Variants in GRM7 observed in about 807,000 individuals in gnomAD.
The protein encoded by GRM7 is metabotropic glutamate receptor 7.
A neutral mutation model predicts 84.5 loss-of-function variants in GRM7; 35 were observed. The observed-to-expected ratio is 0.41, with a 90% CI of 0.32 to 0.55. The LOEUF is 0.55. Ranked by LOEUF, GRM7 falls within the 20% of genes least tolerant of loss-of-function variation. The probability of loss-of-function intolerance (pLI) is 0.19; values close to 1 mark genes in which losing one functional copy is unlikely to be tolerated. For synonymous variants in GRM7, 487 were observed against 455.1 expected (o/e 1.07, Z -0.89); for missense variants, 1,003 against 1,194.6 (o/e 0.84, Z 2.36).
At chr3:7,659,419 G>A (rs2125121681) in intron 8 of GRM7, among the ~76,000 whole-genome samples, 1 of 152,234 alleles carries the variant, frequency 6.6e-6, no homozygotes, top group East Asian at 1.9e-4. Flanking sequence ...ATCATTTAAA[G>A]GCATCTCTTT....
chr3:7,389,805 G>A (rs1034357623), intron 4 of GRM7, among the ~76,000 whole-genome samples: 6 of 151,430 alleles, frequency 4.0e-5, no homozygotes. Flanking sequence ...AATCCAATTT[G>A]CCACTCTATT....
At chr3:7,270,537 G>A (rs1244494065) in intron 2 of GRM7, among the ~76,000 whole-genome samples, 1 of 151,658 alleles carries the variant, frequency 6.6e-6, no homozygotes, top group South Asian at 2.1e-4. Flanking sequence ...GTATTATGTT[G>A]CTTTTTACTA....
At chr3:6,956,274 C>G (rs55893118) in intron 1 of GRM7, among the ~76,000 whole-genome samples, 1 of 152,032 alleles carries the variant, frequency 6.6e-6, no homozygotes. Context: ...AGTCAACAGT[C>G]GAAAGGGGTT....
intron 1 of GRM7, among the ~76,000 whole-genome samples, chr3:6,971,063 T>G (rs1486857715): frequency 2.0e-5 from 3 of 151,602 alleles, no homozygotes; most frequent in African/African-American, 7.3e-5. Context: ...AACTTTAAAT[T>G]TGAAATGAAG....
chr3:7,214,207 C>T (rs1433340591), intron 2 of GRM7, among the ~76,000 whole-genome samples: 4 of 151,540 alleles, frequency 2.6e-5, no homozygotes. Flanking sequence ...AGGTCACCTA[C>T]GATGCAATAT....
chr3:7,215,087 G>A (rs1696557086), intron 2 of GRM7, among the ~76,000 whole-genome samples: 1 of 152,158 alleles, frequency 6.6e-6, no homozygotes, highest in African/African-American at 2.4e-5. Flanking sequence ...ATGACAAGGT[G>A]GTGACATATT....
At chr3:7,041,487 A>G (rs532988539) in intron 1 of GRM7, among the ~76,000 whole-genome samples, 1 of 152,340 alleles carries the variant, frequency 6.6e-6, no homozygotes, top group Admixed American at 6.5e-5. Context: ...ATAGTATTCC[A>G]TTGTATGAAC....
At chr3:7,216,852 A>T (rs1222087237) in intron 2 of GRM7, among the ~76,000 whole-genome samples, 1 of 152,206 alleles carries the variant, frequency 6.6e-6, no homozygotes, top group East Asian at 1.9e-4. Flanking sequence ...TGTTGGATAT[A>T]CATTAAATTC....
intron 4 of GRM7, among the ~76,000 whole-genome samples, chr3:7,328,380 C>T (rs1424166225): frequency 6.6e-6 from 1 of 152,188 alleles, no homozygotes; most frequent in East Asian, 1.9e-4. Flanking sequence ...CCAACCGATT[C>T]TTCACTGCTA....
At chr3:7,592,894 G>C (rs1695861190) in intron 8 of GRM7, among the ~76,000 whole-genome samples, 1 of 152,158 alleles carries the variant, frequency 6.6e-6, no homozygotes, top group Admixed American at 6.5e-5. Flanking sequence ...AAAACATGGG[G>C]AAACTGAATT....
intron 2 of GRM7, among the ~76,000 whole-genome samples, chr3:7,226,682 A>T (rs1696993732): frequency 6.6e-6 from 1 of 152,162 alleles, no homozygotes; most frequent in Admixed American, 6.5e-5. Flanking sequence ...TAAGGAGAAA[A>T]GTCTGAATTT....
At chr3:7,738,095 C>T (rs1376917516) in intron 9 of GRM7, among the ~76,000 whole-genome samples, 1 of 152,010 alleles carries the variant, frequency 6.6e-6, no homozygotes, top group Non-Finnish European at 1.5e-5. Context: ...ATGATCCACC[C>T]GTCTCGGCCT....
chr3:7,676,080 A>G (rs1300044265), intron 8 of GRM7, among the ~76,000 whole-genome samples: 1 of 152,132 alleles, frequency 6.6e-6, no homozygotes, highest in Admixed American at 6.5e-5. Context: ...CTCCTGGGTT[A>G]CAAATAAAGG....
intron 9 of GRM7, among the ~76,000 whole-genome samples, chr3:7,709,205 A>G (rs1436459811): frequency 6.6e-6 from 1 of 152,182 alleles, no homozygotes; most frequent in Non-Finnish European, 1.5e-5. Context: ...TTTATGTTTT[A>G]GTCAAAATTA....
intron 9 of GRM7, among the ~76,000 whole-genome samples, chr3:7,722,752 T>A (rs1321104224): frequency 6.6e-6 from 1 of 152,136 alleles, no homozygotes; most frequent in Non-Finnish European, 1.5e-5. Flanking sequence ...CCTTGTGTTT[T>A]TCCCACTGCT....
intron 1 of GRM7, among the ~76,000 whole-genome samples, chr3:7,089,802 C>A (rs1055446376): frequency 6.6e-6 from 1 of 152,138 alleles, no homozygotes; most frequent in Non-Finnish European, 1.5e-5. Context: ...ATAGCCCTGA[C>A]TAGAGTAATG....
At chr3:7,162,658 G>A (rs906621986) in intron 2 of GRM7, among the ~76,000 whole-genome samples, 3 of 149,784 alleles carry the variant, frequency 2.0e-5, no homozygotes, top group African/African-American at 4.9e-5. Context: ...AGGTGTGAGG[G>A]GCTTAAAAAG....
intron 1 of GRM7, among the ~76,000 whole-genome samples, chr3:6,970,192 C>T (rs1693690802): frequency 1.7e-5 from 2 of 120,304 alleles, no homozygotes; most frequent in South Asian, 6.5e-4. Context: ...AAAAGCTAGC[C>T]TCTCCTGAAA....
chr3:7,419,019 C>T (rs1696287447), intron 5 of GRM7, among the ~76,000 whole-genome samples: 1 of 152,096 alleles, frequency 6.6e-6, no homozygotes, highest in Non-Finnish European at 1.5e-5. Flanking sequence ...ATAGTCGTAG[C>T]TAACAATGGA....
Sources: allele counts gnomAD v4.1 joint callset (sites outside exome capture counted in the v4.1 genomes callset), GRCh38; gene constraint gnomAD v4.1.1; transcripts MANE v1.5; gene names NCBI Gene and HGNC (gene_info 2026-07-23, HGNC 2026-07-21).